The following WDR93 variants were observed in gnomAD, a reference collection of about 807,000 sequenced individuals.
The protein encoded by WDR93 is WD repeat-containing protein 93.
Under a neutral mutation model 82.9 loss-of-function variants are expected in WDR93, and 73 were observed. The ratio of observed to expected loss-of-function variants is 0.88; its 90% CI spans 0.73 to 1.07. The LOEUF (loss-of-function observed/expected upper bound fraction) is 1.07, where lower values mean the gene tolerates loss of function less well. WDR93 is among the 50% of genes least tolerant of loss of function. The probability of loss-of-function intolerance (pLI) is 0.00; values close to 1 mark genes in which losing one functional copy is unlikely to be tolerated. For missense variants in WDR93, 738 were observed against 826.0 expected (o/e 0.89, Z 1.31); for synonymous variants, 283 against 300.1 (o/e 0.94, Z 0.59).
chr15:89,729,860 A>G, intron 11 of WDR93, 91 bp downstream of exon 11: 3 of 1,083,748 alleles, frequency 2.8e-6, no homozygotes, highest in Non-Finnish European at 4.1e-6. Context: ...ACTGACATAC[A>G]TCAAGTGTCA....
At chr15:89,694,534 C>T (rs2119602) in intron 1 of WDR93, among the ~76,000 whole-genome samples, 87,300 of 151,982 alleles carry the variant, frequency 0.57, 25,721 homozygotes, top group Middle Eastern at 0.66. Flanking sequence ...TGCACCCGGC[C>T]GGGTTACTTC....
At chr15:89,728,909 C>A in intron 9 of WDR93, 114 bp from the exon 10 acceptor site, 1 of 900,854 alleles carries the variant, frequency 1.1e-6, no homozygotes. Context: ...GCCTTCTTAC[C>A]CCTGGGAAGG....
chr15:89,695,439 A>G (rs1965121803), intron 1 of WDR93, among the ~76,000 whole-genome samples: 2 of 152,074 alleles, frequency 1.3e-5, no homozygotes, highest in Non-Finnish European at 2.9e-5. Context: ...ACTCAAAGCA[A>G]TCCTCTCACC....
In WDR93 at chr15:89,702,990, A is replaced by G; in HGVS notation, c.344A>G (p.Tyr115Cys). 5 of 1,614,172 alleles carry G rather than the reference A, an allele frequency of 3.1e-6. No individual in the cohort carries two copies. Among genetic ancestry groups the G allele is most frequent in the Non-Finnish European group, 4.2e-6 (5 of 1,180,018 alleles). Residue 115 changes from tyrosine (Y) to cysteine (C), a missense_variant, in exon 3 of 17, where the codon TAT (tyrosine) becomes TGT (cysteine). Transcript: ENST00000268130. The part of the protein sequence containing the change: ...MPNCMAVSQD[Y>C]VFIGGAKGFS... ...AATTGTATGGCTGTTTCCCAAGACTATGTGTTTATTGGAGGAGCCAAAGGA... is the reference window on the plus strand; with the variant it reads ...AATTGTATGGCTGTTTCCCAAGACTGTGTGTTTATTGGAGGAGCCAAAGGA...
At chr15:89,690,906 C>T (rs1483209437) in intron 1 of WDR93, 49 bp downstream of exon 1, 2 of 436,952 alleles carry the variant, frequency 4.6e-6, no homozygotes, top group East Asian at 8.7e-5. Flanking sequence ...CCCTCGAGTC[C>T]CAGGACTCCC....
At chr15:89,696,721 C>T (rs1371686301) in intron 1 of WDR93, among the ~76,000 whole-genome samples, 4 of 152,088 alleles carry the variant, frequency 2.6e-5, no homozygotes, top group Admixed American at 6.6e-5. Context: ...TCTTGAACTC[C>T]GGGGCTCAAG....
chr15:89,722,228 C>A, intron 8 of WDR93, 89 bp downstream of exon 8: 1 of 1,056,690 alleles, frequency 9.5e-7, no homozygotes, highest in Non-Finnish European at 1.4e-6. Context: ...AACTTATTAG[C>A]AACGATATCA....
At chr15:89,738,369 G>A in intron 16 of WDR93, 133 bp downstream of exon 16, 3 of 1,083,894 alleles carry the variant, frequency 2.8e-6, no homozygotes, top group South Asian at 1.7e-5. Context: ...GCTCACGCCT[G>A]TAATCCCAGC....
rs1170109589 is a variant in WDR93, at chr15:89,712,396, C to CTTTTTTTT, written c.640+308_640+315dup. ...GGATTTCACTAGTTTTTCCACTAAT[C>CTTTTTTTT]TTTTTTTTTTTTTTTTTTTTTTTGC... On this transcript the variant is annotated intron_variant, in intron 5 of 16. Transcript: ENST00000268130. Among the ~76,000 whole-genome samples the CTTTTTTTT allele has an allele frequency of 1.1e-3, 87 of 80,502 alleles. 4 individuals carry two copies. Among genetic ancestry groups the CTTTTTTTT allele is most frequent in the African/African-American group, 2.4e-3 (44 of 18,222 alleles). The allele number at this position is 80,502 out of a possible 152,430, so 52.8% of individuals were successfully genotyped here. A position where few individuals can be genotyped will look rare whatever the true frequency, so the allele number is the denominator to read the frequency against.
At position 89,731,563 on chromosome 15, in the gene WDR93, G is replaced by T. The variant is rs1351529064; in HGVS notation, c.1330+1G>T. 4 of 1,613,950 alleles carry T rather than the reference G, an allele frequency of 2.5e-6. No individual in the cohort carries two copies. The highest frequency in any genetic ancestry group is 2.5e-6 in the Non-Finnish European group (3 of 1,180,006). ...CTCACGCTGTGGGACCTGGCCAAAG[G>T]TAAGTCCTCCCTGCCTCTCTACCTA... On this transcript the variant is annotated splice_donor_variant, in intron 12 of 16. Transcript: ENST00000268130. LOFTEE classifies it high-confidence loss of function.
rs563927715 is a variant in WDR93 at position 89,727,877 on chromosome 15, G to A, written c.1052+549G>A. Among the ~76,000 whole-genome samples, 3 of 151,874 alleles carry A rather than the reference G, an allele frequency of 2.0e-5. No individual in the cohort carries two copies. In the East Asian group the frequency reaches 5.8e-4, roughly 30 times the overall value. Reference sequence around the variant, plus strand: ...GCATGCAGATTACCTGAGGCCAGGAGTTTGAGACCAGCCTGGTCAACACGG... The same window carrying A: ...GCATGCAGATTACCTGAGGCCAGGAATTTGAGACCAGCCTGGTCAACACGG... On this transcript the variant is annotated intron_variant, in intron 9 of 16. Coordinates refer to ENST00000268130, the MANE Select transcript of WDR93 (RefSeq NM_020212.2).
At chr15:89,722,324 T>C (rs1966560191) in intron 8 of WDR93, among the ~76,000 whole-genome samples, 185 bp downstream of exon 8, 1 of 152,224 alleles carries the variant, frequency 6.6e-6, no homozygotes, top group Non-Finnish European at 1.5e-5. Flanking sequence ...AGTAATGCAT[T>C]TGTATTACAT....
rs145598729 is a variant in WDR93, at chr15:89,701,928, A to G, written c.182A>G (p.Asn61Ser). Residue 61 changes from asparagine (N) to serine (S), a missense_variant, in exon 2 of 17, where the codon AAC (asparagine) becomes AGC (serine). Physicochemically the swap from Asn to Ser is conservative, Grantham distance 46. Transcript: ENST00000268130. Reference sequence around the variant, plus strand: ...TTGCCTCAGCCTTATCGAATGATCAACAAGCTGGTGAACCTTCTGTTTGAC... The same window carrying G: ...TTGCCTCAGCCTTATCGAATGATCAGCAAGCTGGTGAACCTTCTGTTTGAC... ...DSLPQPYRMINKLVNLLFDQS... is the reference protein window; with the variant it reads ...DSLPQPYRMISKLVNLLFDQS... 2.1e-5 allele frequency: 34 copies of G among 1,614,050 alleles called. No individual in the cohort carries two copies. The highest frequency in any genetic ancestry group is 2.5e-5 in the Non-Finnish European group (30 of 1,180,034).
intron 1 of WDR93, among the ~76,000 whole-genome samples, chr15:89,697,788 C>A (rs2141584824): frequency 6.6e-6 from 1 of 152,044 alleles, no homozygotes; most frequent in South Asian, 2.1e-4. Context: ...AAATTCTATC[C>A]ATTTTTACTT....
chr15:89,696,522 C>A (rs1965185440), intron 1 of WDR93, among the ~76,000 whole-genome samples: 1 of 151,812 alleles, frequency 6.6e-6, no homozygotes, highest in Non-Finnish European at 1.5e-5. Context: ...TGAGACAGGG[C>A]CTCACTCTGT....
chr15:89,739,596 C>A (rs1321209984), intron 16 of WDR93, among the ~76,000 whole-genome samples: 1 of 152,160 alleles, frequency 6.6e-6, no homozygotes, highest in Admixed American at 6.5e-5. Context: ...TGGGGATTTG[C>A]AAATCCTTGT....
chr15:89,738,045 C>G lies in WDR93; in HGVS notation c.1770C>G (p.Asp590Glu), dbSNP rs116689188. ...PDHPCFLLRG[D>E]YSHETASTDD... ...GGTGTTCTTGTCTCGTCACAGGAGACTATTCACATGAAACTGCGTCCACCG... is the reference window on the plus strand; with the variant it reads ...GGTGTTCTTGTCTCGTCACAGGAGAGTATTCACATGAAACTGCGTCCACCG... The change falls in exon 16 of 17, where the codon GAC becomes GAG. Residue 590 changes from aspartate (D) to glutamate (E), a missense_variant. Coordinates refer to ENST00000268130, the MANE Select transcript of WDR93 (RefSeq NM_020212.2). 2,388 of 1,608,768 alleles carry G rather than the reference C, an allele frequency of 1.5e-3. 30 individuals are homozygous for G. In the African/African-American group the frequency reaches 0.027, roughly 18 times the overall value.
intron 12 of WDR93, among the ~76,000 whole-genome samples, chr15:89,732,156 C>A (rs1196784889): frequency 6.6e-6 from 1 of 152,186 alleles, no homozygotes; most frequent in Admixed American, 6.5e-5. Flanking sequence ...TCCCTCTAAC[C>A]GGACTTTGTT....
At chr15:89,721,911 T>A in intron 7 of WDR93, 144 bp from the exon 8 acceptor site, 1 of 632,136 alleles carries the variant, frequency 1.6e-6, no homozygotes, top group Non-Finnish European at 2.7e-6. Flanking sequence ...CTATTTACTT[T>A]TACAATCTTG....
Sources: allele counts gnomAD v4.1 joint callset (sites outside exome capture counted in the v4.1 genomes callset), GRCh38; gene constraint gnomAD v4.1.1; transcripts MANE v1.5; gene names NCBI Gene and HGNC (gene_info 2026-07-23, HGNC 2026-07-21).